Variants in DLC1 observed in about 807,000 individuals in gnomAD.
The protein encoded by DLC1 is DLC1 Rho GTPase activating protein, also known as rho GTPase-activating protein 7.
A neutral mutation model predicts 140.3 loss-of-function variants in DLC1; 54 were observed. The ratio of observed to expected loss-of-function variants is 0.38; its 90% CI spans 0.31 to 0.48. DLC1 has a LOEUF of 0.48. Ranked by LOEUF, DLC1 falls within the 20% of genes least tolerant of loss-of-function variation. The pLI, the probability that DLC1 is intolerant of heterozygous loss-of-function variation, is 0.96. For synonymous variants in DLC1, 986 were observed against 728.1 expected (o/e 1.35, Z -5.70); for missense variants, 2,536 against 1,907.0 (o/e 1.33, Z -6.14).
intron 1 of DLC1, among the ~76,000 whole-genome samples, chr8:13,540,282 T>C (rs1803439238): frequency 6.6e-6 from 1 of 152,194 alleles, no homozygotes. Flanking sequence ...TGGTCTCAGT[T>C]AAGCATTTCA....
At chr8:13,220,997 T>C (rs1477166830) in intron 5 of DLC1, among the ~76,000 whole-genome samples, 1 of 152,150 alleles carries the variant, frequency 6.6e-6, no homozygotes, top group Non-Finnish European at 1.5e-5. Flanking sequence ...GTGATCACAT[T>C]TTAAATTTAA....
At chr8:13,404,385 C>G (rs556594669) in intron 2 of DLC1, among the ~76,000 whole-genome samples, 58 of 152,214 alleles carry the variant, frequency 3.8e-4, no homozygotes, top group Middle Eastern at 3.4e-3. Context: ...CCCGTTCGAG[C>G]TGGTGTGAAC....
chr8:13,402,854 G>C (rs573221897), intron 2 of DLC1, among the ~76,000 whole-genome samples: 1 of 152,224 alleles, frequency 6.6e-6, no homozygotes, highest in South Asian at 2.1e-4. Flanking sequence ...ACAGGGTCTA[G>C]GATAATTTTG....
At chr8:13,335,458 G>T (rs918632708) in intron 4 of DLC1, among the ~76,000 whole-genome samples, 4 of 152,192 alleles carry the variant, frequency 2.6e-5, no homozygotes, top group African/African-American at 4.8e-5. Context: ...CACACAAAAA[G>T]TCTTTTCTAG....
chr8:13,575,176 T>C (rs914279036), intron 1 of DLC1, among the ~76,000 whole-genome samples: 2 of 152,308 alleles, frequency 1.3e-5, no homozygotes, highest in African/African-American at 4.8e-5. Flanking sequence ...TCTTATGCAA[T>C]CATAAGCCCT....
At chr8:13,088,745 A>C (rs763101604) in intron 15 of DLC1, 41 bp from the exon 16 acceptor site, 2 of 1,586,920 alleles carry the variant, frequency 1.3e-6, no homozygotes, top group African/African-American at 1.3e-5. Flanking sequence ...GGCAATCCAT[A>C]CACACCTAGT....
intron 9 of DLC1, 36 bp from the exon 10 acceptor site, chr8:13,098,611 C>G (rs999953549): frequency 3.2e-6 from 5 of 1,577,810 alleles, no homozygotes; most frequent in Non-Finnish European, 4.3e-6. Flanking sequence ...GAGTGTGAAG[C>G]CTTTTTATTT....
At position 13,413,256 on chromosome 8, in the gene DLC1, A is replaced by ACTTTTT. The variant is rs1491415150; in HGVS notation, c.1024-11638_1024-11637insAAAAAG. ...TAAAACATTATGAGATTTTTTTGCG[A>ACTTTTT]TTTTTTTTTTTTTTTTTTTTTAGCT... On this transcript the variant is annotated intron_variant, in intron 2 of 17. Transcript: ENST00000276297. Among the ~76,000 whole-genome samples the ACTTTTT allele has an allele frequency of 2.6e-4, 21 of 81,996 alleles. 3 individuals are homozygous for ACTTTTT. The highest frequency in any genetic ancestry group is 9.2e-4 in the East Asian group (2 of 2,184). 53.8% of individuals were successfully genotyped at this position (81,996 alleles called of 152,430 possible).
intron 2 of DLC1, among the ~76,000 whole-genome samples, chr8:13,491,924 T>G (rs1171330394): frequency 6.6e-6 from 1 of 152,230 alleles, no homozygotes; most frequent in Non-Finnish European, 1.5e-5. Flanking sequence ...GAACAGGTTC[T>G]AAGCACTGCG....
intron 2 of DLC1, among the ~76,000 whole-genome samples, chr8:13,470,583 T>C (rs1800159017): frequency 6.6e-6 from 1 of 152,126 alleles, no homozygotes; most frequent in Non-Finnish European, 1.5e-5. Context: ...CCCACACCTG[T>C]TGGGATGGTT....
intron 5 of DLC1, among the ~76,000 whole-genome samples, chr8:13,132,560 C>T (rs553970892): frequency 6.6e-6 from 1 of 152,258 alleles, no homozygotes; most frequent in Non-Finnish European, 1.5e-5. Flanking sequence ...GAGCAGTCCC[C>T]AGAGGAAAGG....
chr8:13,475,138 A>G (rs1240111190), intron 2 of DLC1, among the ~76,000 whole-genome samples: 1 of 152,158 alleles, frequency 6.6e-6, no homozygotes. Context: ...TTAATAAGCC[A>G]AAGAGATCAG....
At chr8:13,576,212 T>C (rs1804830723) in intron 1 of DLC1, among the ~76,000 whole-genome samples, 1 of 152,206 alleles carries the variant, frequency 6.6e-6, no homozygotes, top group African/African-American at 2.4e-5. Context: ...ATAACCCGCA[T>C]TGCTGTTCAT....
chr8:13,319,188 C>G (rs1832983929), intron 4 of DLC1, among the ~76,000 whole-genome samples: 2 of 152,132 alleles, frequency 1.3e-5, no homozygotes. Context: ...AGCACATCAA[C>G]AAAATAAAAA....
chr8:13,582,645 G>C (rs189648894), intron 1 of DLC1, among the ~76,000 whole-genome samples: 2 of 151,572 alleles, frequency 1.3e-5, no homozygotes, highest in African/African-American at 4.8e-5. Context: ...GGCCTATTGC[G>C]GGATCTTGTG....
chr8:13,548,698 C>A (rs908700917), intron 1 of DLC1, among the ~76,000 whole-genome samples: 33 of 152,030 alleles, frequency 2.2e-4, no homozygotes, highest in African/African-American at 7.0e-4. Flanking sequence ...TAAGAGCACA[C>A]CTCTTTTTGA....
chr8:13,298,556 T>C (rs1002707471), intron 5 of DLC1, among the ~76,000 whole-genome samples: 1 of 152,192 alleles, frequency 6.6e-6, no homozygotes, highest in Non-Finnish European at 1.5e-5. Flanking sequence ...ATTCTTAACC[T>C]AGAAAAGTTC....
intron 1 of DLC1, among the ~76,000 whole-genome samples, chr8:13,527,006 T>C (rs938485137): frequency 5.9e-5 from 9 of 152,232 alleles, no homozygotes; most frequent in Admixed American, 1.3e-4. Flanking sequence ...CATTGACTAG[T>C]ATGCTGCTGA....
chr8:13,087,233 C>G (rs141195618), intron 16 of DLC1, among the ~76,000 whole-genome samples: 1 of 152,194 alleles, frequency 6.6e-6, no homozygotes, highest in Non-Finnish European at 1.5e-5. Context: ...GACACCATGT[C>G]TCTACCAGAA....
Sources: allele counts gnomAD v4.1 joint callset (sites outside exome capture counted in the v4.1 genomes callset), GRCh38; gene constraint gnomAD v4.1.1; transcripts MANE v1.5; gene names NCBI Gene and HGNC (gene_info 2026-07-23, HGNC 2026-07-21).